Variants in RBFOX1 observed in about 807,000 individuals in gnomAD.
RBFOX1 encodes RNA binding protein fox-1 homolog 1.
RBFOX1 carries 8 observed loss-of-function variants against 57.7 expected under a neutral mutation model. The observed-to-expected ratio is 0.14, with a 90% confidence interval of 0.08 to 0.25. RBFOX1 has a LOEUF of 0.25. RBFOX1 is among the 10% of genes least tolerant of loss of function. The pLI is 1.00. For missense variants in RBFOX1, 611 were observed against 548.5 expected (o/e 1.11, Z -1.14); for synonymous variants, 326 against 222.4 (o/e 1.47, Z -4.15).
intron 2 of RBFOX1, among the ~76,000 whole-genome samples, chr16:6,403,772 G>C (rs757695930): frequency 1.3e-5 from 2 of 152,146 alleles, no homozygotes; most frequent in African/African-American, 4.8e-5. Flanking sequence ...ATTGACTCAA[G>C]TGTGTCCCTC....
At chr16:7,580,419 T>C (rs559369482) in intron 6 of RBFOX1, among the ~76,000 whole-genome samples, 4 of 152,330 alleles carry the variant, frequency 2.6e-5, no homozygotes, top group Admixed American at 2.6e-4. Context: ...TGCATAAAGC[T>C]GATTTTAGCA....
chr16:6,175,858 A>G (rs1360486458), intron 1 of RBFOX1, among the ~76,000 whole-genome samples: 1 of 152,150 alleles, frequency 6.6e-6, no homozygotes, highest in Non-Finnish European at 1.5e-5. Flanking sequence ...TTGTGCAGTA[A>G]GGAGAGAGGA....
intron 10 of RBFOX1, 98 bp from the exon 11 acceptor site, chr16:7,630,505 T>A: frequency 6.4e-7 from 1 of 1,561,900 alleles, no homozygotes. Flanking sequence ...TGTGGCTATG[T>A]TTTCATTTCT....
chr16:5,552,586 C>T (rs2045507220), intron 2 of RBFOX1, among the ~76,000 whole-genome samples: 1 of 152,114 alleles, frequency 6.6e-6, no homozygotes, highest in South Asian at 2.1e-4. Context: ...TTCAAACTGT[C>T]AGAGGATGGA....
At chr16:5,964,484 G>T (rs546551884) in intron 4 of RBFOX1, among the ~76,000 whole-genome samples, 4 of 152,208 alleles carry the variant, frequency 2.6e-5, no homozygotes, top group African/African-American at 9.6e-5. Flanking sequence ...AATATGAAAT[G>T]ACCTAAGAGT....
At chr16:5,534,278 T>G (rs1421795883) in intron 2 of RBFOX1, among the ~76,000 whole-genome samples, 1 of 152,138 alleles carries the variant, frequency 6.6e-6, no homozygotes, top group East Asian at 1.9e-4. Context: ...GGGACAGAAC[T>G]AACAGGATAT....
chr16:5,901,987 A>G lies in RBFOX1; in HGVS notation c.351+34652A>G, dbSNP rs74004691. On this transcript the variant is annotated intron_variant, in intron 4 of 19. Coordinates refer to the RBFOX1 transcript ENST00000641259. ...TCTCATAGCCCCTAGTCCTCCTGAT[A>G]CTACCTGTAACTTCCCATTATTACT... 5.5e-3 allele frequency among the ~76,000 whole-genome samples: 835 copies of G among 152,294 alleles called. 7 individuals carry two copies. The highest frequency in any genetic ancestry group is 0.019 in the African/African-American group (769 of 41,560).
At chr16:6,439,416 G>T (rs781570144) in intron 2 of RBFOX1, among the ~76,000 whole-genome samples, 2 of 152,080 alleles carry the variant, frequency 1.3e-5, no homozygotes, top group Non-Finnish European at 2.9e-5. Context: ...CTCTTACCCC[G>T]GGCTGTGCCT....
intron 3 of RBFOX1, among the ~76,000 whole-genome samples, chr16:7,020,719 G>A (rs2038753063): frequency 6.6e-6 from 1 of 152,090 alleles, no homozygotes; most frequent in African/African-American, 2.4e-5. Context: ...AAGAGGAGGA[G>A]GGAAATGTCC....
chr16:6,351,373 T>TATATATA lies in RBFOX1; in HGVS notation c.-64+34316_-64+34317insATATATA, dbSNP rs61442398. On this transcript the variant is annotated intron_variant, in intron 2 of 15. Transcript: ENST00000550418. Reference sequence around the variant, plus strand: ...GTGTGTATATATATATATATATATATTTTTTTTTTTTTTTCTTGAGGCAGA... The same window carrying TATATATA: ...GTGTGTATATATATATATATATATATATATATATTTTTTTTTTTTTTCTTGAGGCAGA... Among the ~76,000 whole-genome samples, 181 of 100,790 alleles carry TATATATA rather than the reference T, an allele frequency of 1.8e-3. 1 individual carries two copies. Among genetic ancestry groups the TATATATA allele is most frequent in the East Asian group, 7.2e-3 (29 of 4,036 alleles). 66.1% of individuals were successfully genotyped at this position (100,790 alleles called of 152,430 possible).
intron 3 of RBFOX1, among the ~76,000 whole-genome samples, chr16:6,951,020 C>T (rs2080637288): frequency 6.6e-6 from 1 of 152,078 alleles, no homozygotes; most frequent in Non-Finnish European, 1.5e-5. Context: ...ATCCTCCCAC[C>T]TCTGCCTCTC....
intron 2 of RBFOX1, among the ~76,000 whole-genome samples, chr16:6,390,615 CTA>C (rs1256585647): frequency 6.6e-6 from 1 of 151,780 alleles, no homozygotes. Context: ...ATAAAATAAA[CTA>C]TGAATTAAAA....
intron 3 of RBFOX1, among the ~76,000 whole-genome samples, chr16:5,755,335 T>A (rs2053354574): frequency 6.6e-6 from 1 of 152,076 alleles, no homozygotes; most frequent in South Asian, 2.1e-4. Flanking sequence ...AACAATCTGA[T>A]CTCTCTTGCT....
chr16:5,863,945 G>A (rs1270710329), intron 3 of RBFOX1, among the ~76,000 whole-genome samples: 1 of 152,074 alleles, frequency 6.6e-6, no homozygotes, highest in African/African-American at 2.4e-5. Flanking sequence ...GGTACATATT[G>A]CAGGTTACAA....
At chr16:5,830,982 G>C (rs1483560689) in intron 3 of RBFOX1, among the ~76,000 whole-genome samples, 1 of 151,956 alleles carries the variant, frequency 6.6e-6, no homozygotes, top group Non-Finnish European at 1.5e-5. Flanking sequence ...CCCCAACTCT[G>C]TTTTTTGCGT....
Position 7,301,674 on chromosome 16 carries a change from G to A in RBFOX1, c.28-216473G>A, listed in dbSNP as rs192233360. On this transcript the variant is annotated intron_variant, in intron 4 of 15. Transcript: ENST00000550418. ...ATGTATTATGTATCATGTTTCTTAT[G>A]AAAATGAGCTGAAGGAAAAAATTCT... Among the ~76,000 whole-genome samples the A allele has an allele frequency of 4.6e-3, 698 of 152,170 alleles. 2 individuals are homozygous for A. Among genetic ancestry groups the A allele is most frequent in the African/African-American group, 0.016 (648 of 41,524 alleles).
chr16:6,213,945 C>T (rs1171982361), intron 1 of RBFOX1, among the ~76,000 whole-genome samples: 1 of 152,146 alleles, frequency 6.6e-6, no homozygotes, highest in African/African-American at 2.4e-5. Flanking sequence ...CCAGTACAAC[C>T]CACTCTCCTA....
chr16:7,430,871 T>C (rs2098672706), intron 4 of RBFOX1, among the ~76,000 whole-genome samples: 1 of 152,168 alleles, frequency 6.6e-6, no homozygotes, highest in African/African-American at 2.4e-5. Flanking sequence ...ATCATGAATA[T>C]TAAATAACGT....
intron 2 of RBFOX1, among the ~76,000 whole-genome samples, chr16:6,562,479 G>A (rs1599903063): frequency 2.0e-5 from 3 of 152,318 alleles, no homozygotes; most frequent in Admixed American, 2.0e-4. Context: ...CATACAGGAG[G>A]TATATGTAGC....
Sources: gnomAD v4.1 joint callset for allele counts (sites outside exome capture counted in the v4.1 genomes callset) on GRCh38, gnomAD v4.1.1 for gene constraint, MANE v1.5 for transcripts, NCBI Gene and HGNC (gene_info 2026-07-23, HGNC 2026-07-21) for gene names.